TRIM44: variants seen among roughly 807,000 people sequenced by gnomAD.
TRIM44 encodes tripartite motif-containing protein 44.
A neutral mutation model predicts 37.4 loss-of-function variants in TRIM44; 13 were observed. The observed-to-expected ratio is 0.35, with a 90% confidence interval of 0.23 to 0.55. The LOEUF is 0.55. Ranked by LOEUF, TRIM44 falls within the 20% of genes least tolerant of loss-of-function variation. The pLI, the probability that TRIM44 is intolerant of heterozygous loss-of-function variation, is 0.89. For missense variants in TRIM44, 426 were observed against 437.2 expected, an observed-to-expected ratio of 0.97 and a Z score of 0.23; for synonymous variants, 175 against 157.2, an observed-to-expected ratio of 1.11 and a Z score of -0.85.
chr11:35,679,515 A>G (rs1323221013), intron 1 of TRIM44, among the ~76,000 whole-genome samples: 2 of 152,212 alleles, frequency 1.3e-5, no homozygotes, highest in Non-Finnish European at 2.9e-5. Context: ...GCAACTTCAG[A>G]TATCTACCAG....
In TRIM44 at chr11:35,785,535, G is replaced by GA. The variant is rs542446929; in HGVS notation, c.1008-20821dup. 9.2e-5 allele frequency among the ~76,000 whole-genome samples: 14 copies of GA among 152,330 alleles called. 1 individual carries two copies. In the East Asian group the frequency reaches 2.7e-3, roughly 29 times the overall value. ...ATTGTAGGAGGCTAAAACCTGAGAA[G>GA]AACCTCTGGGTCTCTGCACCCCTAT... On this transcript the variant is annotated intron_variant, in intron 4 of 4. Coordinates refer to ENST00000299413, the MANE Select transcript of TRIM44 (RefSeq NM_017583.6).
chr11:35,681,848 A>C (rs1160333611), intron 1 of TRIM44, among the ~76,000 whole-genome samples: 1 of 152,026 alleles, frequency 6.6e-6, no homozygotes, highest in Non-Finnish European at 1.5e-5. Context: ...GCAAACAAAT[A>C]ATTAACCAAA....
Position 35,663,502 on chromosome 11 carries a change from G to A in TRIM44, c.391G>A (p.Glu131Lys). ...TGAGGAGAGTGAAGAAGACAGCGAG[G>A]AAGAAATGGAGGATGAGCAAGAAAG... The part of the protein sequence containing the change: ...SDEESEEDSE[E>K]EMEDEQESEA... The change falls in exon 1 of 5, where the codon GAA becomes AAA. Residue 131 changes from glutamate to lysine, a missense_variant. By Grantham distance (56) the Glu-to-Lys change is moderately conservative. Around this residue, in one of 2 missense-constraint regions of TRIM44, gnomAD observed 331 missense variants for 303.0 expected, o/e 1.09. Coordinates refer to ENST00000299413, the MANE Select transcript of TRIM44 (RefSeq NM_017583.6). 1 of 1,586,200 alleles carries A rather than the reference G, an allele frequency of 6.3e-7. No homozygotes were observed. Among genetic ancestry groups the A allele is most frequent in the Non-Finnish European group, 8.6e-7 (1 of 1,165,548 alleles).
At chr11:35,750,967 C>G (rs1327595119) in intron 4 of TRIM44, among the ~76,000 whole-genome samples, 1 of 145,180 alleles carries the variant, frequency 6.9e-6, no homozygotes, top group Non-Finnish European at 1.5e-5. Flanking sequence ...TACATAATTC[C>G]ATTTAAAAAA....
chr11:35,738,179 A>G (rs1852349084), intron 4 of TRIM44, among the ~76,000 whole-genome samples: 1 of 152,242 alleles, frequency 6.6e-6, no homozygotes, highest in South Asian at 2.1e-4. Context: ...GGAGAGCCGA[A>G]TTAGGGTGAA....
intron 2 of TRIM44, among the ~76,000 whole-genome samples, chr11:35,688,370 T>G (rs1851604304): frequency 6.6e-6 from 1 of 152,196 alleles, no homozygotes; most frequent in African/African-American, 2.4e-5. Flanking sequence ...AGAAGATGTC[T>G]AAATTAATCA....
Position 35,726,120 on chromosome 11 carries a change from A to G in TRIM44, c.944A>G (p.Glu315Gly), listed in dbSNP as rs754583170. ...ATGACTCAGATGGCCCAAGCCAAGGAACAACTTGATACCTCTAATGAATCA... is the reference window on the plus strand; with the variant it reads ...ATGACTCAGATGGCCCAAGCCAAGGGACAACTTGATACCTCTAATGAATCA... The part of the protein sequence containing the change: ...RLMTQMAQAK[E>G]QLDTSNESAE... Residue 315 changes from glutamate to glycine, a missense_variant, in exon 3 of 5, where the codon GAA becomes GGA. Around this residue, in one of 2 missense-constraint regions of TRIM44, gnomAD observed 95 missense variants for 134.2 expected, o/e 0.71. Coordinates refer to ENST00000299413, the MANE Select transcript of TRIM44 (RefSeq NM_017583.6). The G allele has an allele frequency of 3.6e-5, 58 of 1,614,028 alleles. No homozygotes were observed. The highest frequency in any genetic ancestry group is 4.7e-5 in the Non-Finnish European group (55 of 1,180,018).
intron 2 of TRIM44, among the ~76,000 whole-genome samples, chr11:35,711,036 G>A (rs1287412321): frequency 6.6e-6 from 1 of 152,180 alleles, no homozygotes; most frequent in South Asian, 2.1e-4. Context: ...TGGGACTGAG[G>A]GAGGTGGAGG....
At chr11:35,738,568 C>G (rs1852354318) in intron 4 of TRIM44, among the ~76,000 whole-genome samples, 1 of 152,158 alleles carries the variant, frequency 6.6e-6, no homozygotes, top group African/African-American at 2.4e-5. Flanking sequence ...GTTCAATTCA[C>G]TTTATTTGTA....
rs1042001761 is a variant in TRIM44, at chr11:35,817,462, G to C, written c.*11077G>C. ...TCTAACACGGTAAGATCTTAGCAAA[G>C]TAAAAAGGACAGTGATAACAGAAAA... On this transcript the variant is annotated 3_prime_UTR_variant, in exon 5 of 5. Coordinates refer to ENST00000299413, the MANE Select transcript of TRIM44 (RefSeq NM_017583.6). 6.6e-5 allele frequency: 10 copies of C among 152,172 alleles called. No individual in the cohort carries two copies. The highest frequency in any genetic ancestry group is 2.4e-4 in the African/African-American group (10 of 41,444). 9.4% of individuals were successfully genotyped at this position (152,172 alleles called of 1,614,324 possible). A position where few individuals can be genotyped will look rare whatever the true frequency, so the allele number is the denominator to read the frequency against.
chr11:35,736,352 A>G (rs577254889), intron 4 of TRIM44, among the ~76,000 whole-genome samples: 1 of 152,144 alleles, frequency 6.6e-6, no homozygotes, highest in East Asian at 1.9e-4. Context: ...TATTCTTCAA[A>G]ATAAACCCTG....
At chr11:35,689,092 G>T (rs1564952079) in intron 2 of TRIM44, among the ~76,000 whole-genome samples, 1 of 152,166 alleles carries the variant, frequency 6.6e-6, no homozygotes, top group African/African-American at 2.4e-5. Context: ...CTAAAAGGAC[G>T]GGACTGCTTT....
chr11:35,785,028 G>A (rs1332713013), intron 4 of TRIM44, among the ~76,000 whole-genome samples: 1 of 152,126 alleles, frequency 6.6e-6, no homozygotes, highest in Non-Finnish European at 1.5e-5. Context: ...AGAAGGTATT[G>A]TTCTTTGCTT....
In TRIM44 at chr11:35,726,102, A is replaced by G; in HGVS notation, c.926A>G (p.Gln309Arg). Residue 309 changes from glutamine (Q) to arginine (R), a missense_variant, in exon 3 of 5, where the codon CAG (glutamine) becomes CGG (arginine). This residue lies in a region of TRIM44 where 95 missense variants were observed against 134.2 expected (regional missense o/e 0.71). Coordinates refer to ENST00000299413, the MANE Select transcript of TRIM44 (RefSeq NM_017583.6). ...TCCCACATGGATAGGTTGATGACTC[A>G]GATGGCCCAAGCCAAGGAACAACTT... ...IQSHMDRLMTQMAQAKEQLDT... is the reference protein window; with the variant it reads ...IQSHMDRLMTRMAQAKEQLDT... The G allele has an allele frequency of 1.9e-6, 3 of 1,614,150 alleles. No individual in the cohort carries two copies. The highest frequency in any genetic ancestry group is 1.1e-5 in the South Asian group (1 of 91,082).
chr11:35,679,898 C>T (rs1851505076), intron 1 of TRIM44, among the ~76,000 whole-genome samples: 1 of 152,134 alleles, frequency 6.6e-6, no homozygotes, highest in Non-Finnish European at 1.5e-5. Context: ...CTTTTCCAAG[C>T]TCACACAAGC....
intron 4 of TRIM44, among the ~76,000 whole-genome samples, chr11:35,745,957 A>G (rs773182980): frequency 1.3e-5 from 2 of 152,218 alleles, no homozygotes; most frequent in Non-Finnish European, 2.9e-5. Context: ...AAGTTGAATG[A>G]AAAGACTCTA....
At chr11:35,802,959 G>T (rs2133884396) in intron 4 of TRIM44, among the ~76,000 whole-genome samples, 1 of 152,298 alleles carries the variant, frequency 6.6e-6, no homozygotes, top group South Asian at 2.1e-4. Flanking sequence ...TTGAGGGAAA[G>T]GCAGGAGGAG....
At chr11:35,701,217 A>G (rs190188281) in intron 2 of TRIM44, among the ~76,000 whole-genome samples, 108 of 152,108 alleles carry the variant, frequency 7.1e-4, no homozygotes, top group African/African-American at 2.5e-3. Context: ...GGGTAGATCT[A>G]TCCATTTCCA....
At position 35,772,102 on chromosome 11, in the gene TRIM44, A is replaced by G. The variant is rs567438090; in HGVS notation, c.1008-34256A>G. 2.0e-5 allele frequency among the ~76,000 whole-genome samples: 3 copies of G among 152,328 alleles called. No homozygotes were observed. The South Asian group carries it at 6.2e-4, about 32-fold the overall frequency. ...CGTAGAGCTCGGGCCTTGGCTTCAG[A>G]GGGTGTAAGCCGCAAGCCTTGACAG... is the stretch of plus-strand genomic sequence containing the variant. On this transcript the variant is annotated intron_variant, in intron 4 of 4. Coordinates refer to ENST00000299413, the MANE Select transcript of TRIM44 (RefSeq NM_017583.6).
Sources: gnomAD v4.1 joint callset for allele counts (sites outside exome capture counted in the v4.1 genomes callset) on GRCh38, gnomAD v4.1.1 for gene constraint, gnomAD v4.1.1 regional missense constraint, MANE v1.5 for transcripts, NCBI Gene and HGNC (gene_info 2026-07-23, HGNC 2026-07-21) for gene names.